Variants in EGFR observed in about 807,000 individuals in gnomAD.
EGFR encodes the protein epidermal growth factor receptor.
In EGFR, 58 loss-of-function variants were observed where a neutral mutation model predicts 143.0. That is an observed-to-expected ratio of 0.41 (90% CI 0.33 to 0.50). EGFR has a LOEUF of 0.50. Among genes scored for constraint, EGFR ranks in the 20% least tolerant of loss-of-function variants. The probability of loss-of-function intolerance (pLI) is 0.39; values close to 1 mark genes in which losing one functional copy is unlikely to be tolerated. For missense variants in EGFR, 1,307 were observed against 1,579.0 expected (o/e 0.83, Z 2.92); for synonymous variants, 613 against 594.4 (o/e 1.03, Z -0.45).
chr7:55,157,630 G>A (rs1458043594), intron 10 of EGFR, 33 bp from the exon 11 acceptor site: 1 of 1,584,904 alleles, frequency 6.3e-7, no homozygotes, highest in East Asian at 2.2e-5. Flanking sequence ...CTCCTACGTG[G>A]TGTGTGTCTG....
intron 1 of EGFR, among the ~76,000 whole-genome samples, chr7:55,025,688 T>C (rs1043531198): frequency 2.0e-5 from 3 of 152,202 alleles, no homozygotes; most frequent in Admixed American, 1.3e-4. Context: ...GAACAAGTTC[T>C]CCTCTCACAG....
At position 55,171,160 on chromosome 7, in the gene EGFR, T is replaced by G; in HGVS notation, c.1881-15T>G. On this transcript the variant is annotated splice_polypyrimidine_tract_variant and intron_variant, in intron 15 of 27. Coordinates refer to ENST00000275493, the MANE Select transcript of EGFR (RefSeq NM_005228.5). ...AGAATGAGAAAAATGTATATTTCTC[T>G]TTCACTTCCTACAGATGCACTGGGC... is the stretch of plus-strand genomic sequence containing the variant. The G allele has an allele frequency of 6.2e-7, 1 of 1,614,180 alleles. No individual in the cohort carries two copies. The highest frequency in any genetic ancestry group is 8.5e-7 in the Non-Finnish European group (1 of 1,180,032).
intron 3 of EGFR, 133 bp from the exon 4 acceptor site, chr7:55,146,473 G>GAA: frequency 7.0e-7 from 1 of 1,432,798 alleles, no homozygotes; most frequent in Middle Eastern, 2.4e-4. Flanking sequence ...GAAGTTCACT[G>GAA]GGCTAATTGC....
chr7:55,143,436 C>T lies in EGFR; in HGVS notation c.372C>T (p.Asn124=), dbSNP rs142553829. The T allele has an allele frequency of 2.5e-6, 4 of 1,614,088 alleles. No individual in the cohort carries two copies. In the African/African-American group the frequency reaches 5.3e-5, roughly 22 times the overall value. ...CCTATGCCTTAGCAGTCTTATCTAA[C>T]TATGATGCAAATAAAACCGGACTGA... ...ENSYALAVLS[N]YDANKTGLKE... The change falls in exon 3 of 28, where the codon AAC becomes AAT. Residue 124 remains asparagine (N), a synonymous_variant. Coordinates refer to ENST00000275493, the MANE Select transcript of EGFR (RefSeq NM_005228.5).
rs1241234498 is a variant in EGFR, at chr7:55,156,588, G to A, written c.1062G>A (p.Thr354=). Residue 354 remains threonine (T), a synonymous_variant, in exon 9 of 28, where the codon ACG becomes ACA. Transcript: ENST00000275493. ...EFKDSLSINA[T]NIKHFKNCTS... ...AAGACTCACTCTCCATAAATGCTAC[G>A]AATATTAAACACTTCAAAAACTGCA... The A allele has an allele frequency of 1.2e-6, 2 of 1,614,104 alleles. No individual in the cohort carries two copies.
At chr7:55,200,573 A>G (rs1787802533) in intron 24 of EGFR, 160 bp downstream of exon 24, 5 of 738,660 alleles carry the variant, frequency 6.8e-6, no homozygotes, top group South Asian at 6.1e-5. Flanking sequence ...CGCAGGCCAC[A>G]TCGTGAACTA....
At chr7:55,033,050 A>C (rs142711574) in intron 1 of EGFR, among the ~76,000 whole-genome samples, 2,819 of 152,324 alleles carry the variant, frequency 0.019, 75 homozygotes, top group African/African-American at 0.063. Context: ...CATGTCTATG[A>C]ATGATTTTCT....
At chr7:55,198,356 T>A (rs17290622) in intron 22 of EGFR, among the ~76,000 whole-genome samples, 387 of 152,306 alleles carry the variant, frequency 2.5e-3, no homozygotes, top group Non-Finnish European at 3.8e-3. Flanking sequence ...AGCAGGTGAC[T>A]GAGTGTGTAT....
At chr7:55,154,854 A>G (rs1785331247) in intron 7 of EGFR, among the ~76,000 whole-genome samples, 1 of 152,140 alleles carries the variant, frequency 6.6e-6, no homozygotes, top group African/African-American at 2.4e-5. Context: ...TGAAAGAACA[A>G]TTATGAGGGG....
chr7:55,050,910 GA>G (rs1470570640), intron 1 of EGFR, among the ~76,000 whole-genome samples: 1 of 152,182 alleles, frequency 6.6e-6, no homozygotes, highest in Non-Finnish European at 1.5e-5. Context: ...TCCATAAGCA[GA>G]ATCACTCCTC....
At chr7:55,173,653 G>A (rs1018495238) in intron 17 of EGFR, among the ~76,000 whole-genome samples, 8 of 152,256 alleles carry the variant, frequency 5.3e-5, no homozygotes, top group East Asian at 1.9e-4. Context: ...GTTAATAGGC[G>A]TGGAAACAGA....
At chr7:55,119,962 A>G (rs979420535) in intron 1 of EGFR, among the ~76,000 whole-genome samples, 1 of 152,236 alleles carries the variant, frequency 6.6e-6, no homozygotes, top group Non-Finnish European at 1.5e-5. Flanking sequence ...TCCTATGTCC[A>G]TGAGAGTTTG....
At chr7:55,134,703 A>G (rs1161454787) in intron 1 of EGFR, among the ~76,000 whole-genome samples, 2 of 152,138 alleles carry the variant, frequency 1.3e-5, no homozygotes, top group Non-Finnish European at 2.9e-5. Context: ...AAAAAATGGA[A>G]AGTGATTTAA....
At chr7:55,101,780 T>C (rs1353350540) in intron 1 of EGFR, among the ~76,000 whole-genome samples, 1 of 152,210 alleles carries the variant, frequency 6.6e-6, no homozygotes. Context: ...CCATCTTCTT[T>C]CCCATTTTGA....
At chr7:55,097,926 AACATG>A (rs1791575723) in intron 1 of EGFR, among the ~76,000 whole-genome samples, 1 of 152,220 alleles carries the variant, frequency 6.6e-6, no homozygotes, top group South Asian at 2.1e-4. Context: ...AATTTTTAAA[AACATG>A]ACACTCATTC....
At chr7:55,061,778 C>T (rs1789198420) in intron 1 of EGFR, among the ~76,000 whole-genome samples, 1 of 152,130 alleles carries the variant, frequency 6.6e-6, no homozygotes, top group South Asian at 2.1e-4. Context: ...CTGACTCTGA[C>T]TTAATCTACT....
intron 1 of EGFR, among the ~76,000 whole-genome samples, chr7:55,073,241 CA>C (rs1789936724): frequency 6.6e-6 from 1 of 152,206 alleles, no homozygotes; most frequent in African/African-American, 2.4e-5. Context: ...CAGCATAGTG[CA>C]ATTGTGAAGA....
chr7:55,153,971 A>AGGGTTAGG, intron 6 of EGFR, 40 bp from the exon 7 acceptor site: 1 of 1,614,080 alleles, frequency 6.2e-7, no homozygotes, highest in South Asian at 1.1e-5. Context: ...CGCTGAGTGT[A>AGGGTTAGG]CTTACCTCAC....
At chr7:55,157,827 T>C (rs1258912006) in intron 11 of EGFR, 74 bp downstream of exon 11, 4 of 1,446,502 alleles carry the variant, frequency 2.8e-6, no homozygotes, top group Admixed American at 1.7e-5. Context: ...AACAGGAGAG[T>C]TGCTAAGATA....
Sources: gnomAD v4.1 joint callset for allele counts (sites outside exome capture counted in the v4.1 genomes callset) on GRCh38, gnomAD v4.1.1 for gene constraint, MANE v1.5 for transcripts, NCBI Gene and HGNC (gene_info 2026-07-23, HGNC 2026-07-21) for gene names.